Variants in KCNIP1 observed in about 807,000 individuals in gnomAD.
KCNIP1 encodes the protein A-type potassium channel modulatory protein KCNIP1.
A neutral mutation model predicts 33.0 loss-of-function variants in KCNIP1; 18 were observed. The ratio of observed to expected loss-of-function variants is 0.55; its 90% confidence interval spans 0.38 to 0.81. KCNIP1 has a LOEUF of 0.81. KCNIP1 is among the 30% of genes least tolerant of loss of function. The probability of loss-of-function intolerance (pLI) is 0.00; values close to 1 mark genes in which losing one functional copy is unlikely to be tolerated. For missense variants in KCNIP1, 238 were observed against 271.6 expected (o/e 0.88, Z 0.87); for synonymous variants, 93 against 98.3 (o/e 0.95, Z 0.32).
At chr5:170,543,410 A>G (rs1756288545) in intron 1 of KCNIP1, among the ~76,000 whole-genome samples, 1 of 152,264 alleles carries the variant, frequency 6.6e-6, no homozygotes. Context: ...AATTGAAAGC[A>G]CAAAAATAAG....
intron 1 of KCNIP1, among the ~76,000 whole-genome samples, chr5:170,561,298 G>A (rs1757027194): frequency 6.6e-6 from 1 of 152,116 alleles, no homozygotes; most frequent in African/African-American, 2.4e-5. Context: ...CAGCCCTGCT[G>A]GGACCACCAG....
chr5:170,600,214 A>T (rs1758639871), intron 1 of KCNIP1, among the ~76,000 whole-genome samples: 1 of 151,410 alleles, frequency 6.6e-6, no homozygotes, highest in Non-Finnish European at 1.5e-5. Flanking sequence ...TTAATCCCGT[A>T]CTTAAGTCGA....
In KCNIP1 at chr5:170,491,573, A is replaced by C. The variant is rs78641231; in HGVS notation, c.88+137609A>C. On this transcript the variant is annotated intron_variant, in intron 1 of 7. Transcript: ENST00000377360. ...CAGTCTGAATTCCAGGTCAGTGCCAACTTCCTCCAGATATTTGTGGTTTAA... is the reference window on the plus strand; with the variant it reads ...CAGTCTGAATTCCAGGTCAGTGCCACCTTCCTCCAGATATTTGTGGTTTAA... Among the ~76,000 whole-genome samples the C allele has an allele frequency of 2.9e-4, 44 of 152,268 alleles. No individual in the cohort carries two copies. In the East Asian group the frequency reaches 7.3e-3, roughly 25 times the overall value.
chr5:170,528,360 G>T (rs987886426), intron 1 of KCNIP1, among the ~76,000 whole-genome samples: 1 of 152,144 alleles, frequency 6.6e-6, no homozygotes, highest in Admixed American at 6.5e-5. Flanking sequence ...TAACACCATC[G>T]GGTGACTGCA....
intron 1 of KCNIP1, among the ~76,000 whole-genome samples, chr5:170,654,851 T>C (rs1761198784): frequency 6.6e-6 from 1 of 152,236 alleles, no homozygotes; most frequent in African/African-American, 2.4e-5. Flanking sequence ...TGGAATACAG[T>C]AAGATAATGT....
At chr5:170,648,964 A>G (rs1014819064) in intron 1 of KCNIP1, among the ~76,000 whole-genome samples, 20 of 152,258 alleles carry the variant, frequency 1.3e-4, no homozygotes, top group African/African-American at 4.3e-4. Context: ...AGTGAGCTGC[A>G]ACTTCATAAC....
chr5:170,724,970 A>G (rs905806553), intron 5 of KCNIP1, among the ~76,000 whole-genome samples: 1 of 152,216 alleles, frequency 6.6e-6, no homozygotes, highest in African/African-American at 2.4e-5. Context: ...TGGGAATGCA[A>G]AAAACCTAAA....
At chr5:170,631,533 C>T (rs774402191) in intron 1 of KCNIP1, among the ~76,000 whole-genome samples, 3 of 152,166 alleles carry the variant, frequency 2.0e-5, no homozygotes, top group Non-Finnish European at 4.4e-5. Flanking sequence ...GGGGCTTTCC[C>T]GAATGGAATT....
intron 5 of KCNIP1, among the ~76,000 whole-genome samples, chr5:170,731,954 A>G (rs1764219086): frequency 6.6e-6 from 1 of 152,036 alleles, no homozygotes; most frequent in African/African-American, 2.4e-5. Flanking sequence ...ATAATAGTGA[A>G]GCCATGTTAA....
At chr5:170,574,083 G>C (rs1757514396) in intron 1 of KCNIP1, among the ~76,000 whole-genome samples, 1 of 152,142 alleles carries the variant, frequency 6.6e-6, no homozygotes. Flanking sequence ...TTGCCATAGG[G>C]CTAATGAGAA....
intron 1 of KCNIP1, among the ~76,000 whole-genome samples, chr5:170,481,852 A>G (rs1420755774): frequency 6.6e-6 from 1 of 152,158 alleles, no homozygotes; most frequent in South Asian, 2.1e-4. Flanking sequence ...ACAAGAAGGA[A>G]CTCATCCATG....
chr5:170,632,867 T>C (rs1443135789), intron 1 of KCNIP1, among the ~76,000 whole-genome samples: 1 of 152,324 alleles, frequency 6.6e-6, no homozygotes, highest in African/African-American at 2.4e-5. Flanking sequence ...GAGGGTTCCA[T>C]GGGACAACCA....
chr5:170,529,053 C>A (rs933161474), intron 1 of KCNIP1, among the ~76,000 whole-genome samples: 1 of 152,122 alleles, frequency 6.6e-6, no homozygotes, highest in Non-Finnish European at 1.5e-5. Context: ...CAACAGAAAA[C>A]CAACTCTTCC....
At chr5:170,666,706 C>G (rs1190752585) in intron 1 of KCNIP1, among the ~76,000 whole-genome samples, 3 of 152,214 alleles carry the variant, frequency 2.0e-5, no homozygotes, top group Non-Finnish European at 2.9e-5. Context: ...TTGATCTCTG[C>G]CAGACCAAGG....
intron 1 of KCNIP1, among the ~76,000 whole-genome samples, chr5:170,546,219 C>G (rs879548679): frequency 6.6e-5 from 10 of 152,308 alleles, no homozygotes; most frequent in African/African-American, 1.9e-4. Flanking sequence ...GCTTTTCTGG[C>G]TATCTTCAAA....
At chr5:170,647,384 G>A (rs1760828404) in intron 1 of KCNIP1, among the ~76,000 whole-genome samples, 1 of 152,084 alleles carries the variant, frequency 6.6e-6, no homozygotes, top group East Asian at 1.9e-4. Context: ...TAACTCTAAA[G>A]CCATGATAAT....
At chr5:170,710,462 A>G (rs1176333050) in intron 1 of KCNIP1, among the ~76,000 whole-genome samples, 5 of 152,162 alleles carry the variant, frequency 3.3e-5, no homozygotes, top group African/African-American at 9.7e-5. Context: ...CTGTGGATCT[A>G]TTACTGTATT....
At chr5:170,545,733 T>C (rs1215261159) in intron 1 of KCNIP1, among the ~76,000 whole-genome samples, 8 of 152,216 alleles carry the variant, frequency 5.3e-5, no homozygotes, top group Non-Finnish European at 7.3e-5. Context: ...GAAGGCTATA[T>C]GTTTTTGTTC....
chr5:170,526,402 C>T (rs2113327320), intron 1 of KCNIP1, among the ~76,000 whole-genome samples: 1 of 152,276 alleles, frequency 6.6e-6, no homozygotes, highest in South Asian at 2.1e-4. Context: ...GAACTCAGGC[C>T]TGTCGGGTTC....
Sources: gnomAD v4.1 joint callset for allele counts (sites outside exome capture counted in the v4.1 genomes callset) on GRCh38, gnomAD v4.1.1 for gene constraint, MANE v1.5 for transcripts, NCBI Gene and HGNC (gene_info 2026-07-23, HGNC 2026-07-21) for gene names.